Variants in CAPN9 observed in about 807,000 individuals in gnomAD.
CAPN9 encodes calpain-9.
CAPN9 carries 81 observed loss-of-function variants against 92.8 expected under a neutral mutation model. The observed-to-expected ratio is 0.87, with a 90% CI of 0.73 to 1.05. The LOEUF is 1.05. CAPN9 is among the 50% of genes least tolerant of loss of function. The pLI is 0.00. For synonymous variants in CAPN9, 304 were observed against 328.0 expected (o/e 0.93, Z 0.79); for missense variants, 848 against 866.2 (o/e 0.98, Z 0.26).
At chr1:230,785,462 G>T (rs978232442) in intron 11 of CAPN9, among the ~76,000 whole-genome samples, 1 of 152,134 alleles carries the variant, frequency 6.6e-6, no homozygotes, top group Non-Finnish European at 1.5e-5. Flanking sequence ...TCATGGGGGC[G>T]GATCTCTCAT....
intron 4 of CAPN9, among the ~76,000 whole-genome samples, chr1:230,763,175 G>A (rs1385728093): frequency 1.3e-5 from 2 of 152,160 alleles, no homozygotes; most frequent in Non-Finnish European, 2.9e-5. Flanking sequence ...TCAATTGTCC[G>A]TCCTACGGGA....
chr1:230,750,337 C>T (rs191938923), intron 1 of CAPN9, among the ~76,000 whole-genome samples: 2 of 152,310 alleles, frequency 1.3e-5, no homozygotes, highest in East Asian at 3.9e-4. Context: ...CCCACAGACT[C>T]ATTTTCAGAA....
rs80130790 is a variant in CAPN9 at position 230,786,145 on chromosome 1, A to G, written c.1518+128A>G. ...GTTACATGCAATCAAGTAAGCATCTATGATTCTAACCTCCTGGAGACCAAG... is the reference window on the plus strand; with the variant it reads ...GTTACATGCAATCAAGTAAGCATCTGTGATTCTAACCTCCTGGAGACCAAG... On this transcript the variant is annotated intron_variant, in intron 12 of 19. Transcript: ENST00000271971. 3.2e-3 allele frequency: 5,060 copies of G among 1,579,592 alleles called. 7 individuals are homozygous for G. Among genetic ancestry groups the G allele is most frequent in the Non-Finnish European group, 4.0e-3 (4,638 of 1,162,884 alleles).
chr1:230,777,709 G>A (rs1056380150), intron 8 of CAPN9, among the ~76,000 whole-genome samples: 2 of 151,418 alleles, frequency 1.3e-5, no homozygotes, highest in African/African-American at 2.4e-5. Context: ...TGCCAGGGAC[G>A]CCACCGACTC....
At chr1:230,792,980 G>C (rs1014486954) in intron 17 of CAPN9, 52 bp downstream of exon 17, 5 of 1,375,404 alleles carry the variant, frequency 3.6e-6, no homozygotes, top group Non-Finnish European at 5.2e-6. Flanking sequence ...GGTACTGCCT[G>C]TGGGCAACCT....
rs186380260 is a variant in CAPN9, at chr1:230,782,402, T to C, written c.1481+1694T>C. Among the ~76,000 whole-genome samples, 7 of 152,302 alleles carry C rather than the reference T, an allele frequency of 4.6e-5. No individual in the cohort carries two copies. The East Asian group carries it at 9.6e-4, about 21-fold the overall frequency. ...GAAAGGGAGGACTACCCCCAATTGA[T>C]GTTAATGTTTATTTGTATTCCCTTT... On this transcript the variant is annotated intron_variant, in intron 11 of 19. Transcript: ENST00000271971.
At chr1:230,767,016 T>C (rs1406702339) in intron 4 of CAPN9, among the ~76,000 whole-genome samples, 3 of 152,038 alleles carry the variant, frequency 2.0e-5, no homozygotes, top group African/African-American at 7.2e-5. Flanking sequence ...AGCACATATA[T>C]GTAAAATGCA....
intron 19 of CAPN9, among the ~76,000 whole-genome samples, chr1:230,800,487 C>G (rs1668663358): frequency 6.6e-6 from 1 of 152,060 alleles, no homozygotes; most frequent in South Asian, 2.1e-4. Flanking sequence ...TCCAGAGCAC[C>G]AGCAGTGTGG....
intron 3 of CAPN9, 29 bp downstream of exon 3, chr1:230,759,659 T>C: frequency 6.7e-7 from 1 of 1,485,832 alleles, no homozygotes; most frequent in Non-Finnish European, 9.2e-7. Flanking sequence ...CCAGTGGGTT[T>C]ACCTCTCTGG....
rs548073435 is a variant in CAPN9 at position 230,760,144 on chromosome 1, A to G, written c.402+514A>G. Among the ~76,000 whole-genome samples, 13 of 152,186 alleles carry G rather than the reference A, an allele frequency of 8.5e-5. No homozygotes were observed. The South Asian group carries it at 1.5e-3, about 17-fold the overall frequency. On this transcript the variant is annotated intron_variant, in intron 3 of 19. Coordinates refer to ENST00000271971, the MANE Select transcript of CAPN9 (RefSeq NM_006615.3). ...ACATCAGGAGAGGCTTGCCCCCAGG[A>G]GATGGTTTCCTGCTGCTTCACCTCA...
chr1:230,800,310 A>ACG lies in CAPN9; in HGVS notation c.2047-1260_2047-1259insCG, dbSNP rs1239697877. 1.2e-4 allele frequency among the ~76,000 whole-genome samples: 9 copies of ACG among 77,322 alleles called. 1 individual carries two copies. The highest frequency in any genetic ancestry group is 9.1e-4 in the South Asian group (2 of 2,194). The allele number at this position is 77,322 out of a possible 152,430, so 50.7% of individuals were successfully genotyped here. ...AGAAAGAAAGAAAGAAAGAAAGGAA[A>ACG]AACAAGAGAGACCCCTAGGTCCACC... On this transcript the variant is annotated intron_variant, in intron 19 of 19. Coordinates refer to ENST00000271971, the MANE Select transcript of CAPN9 (RefSeq NM_006615.3).
intron 2 of CAPN9, among the ~76,000 whole-genome samples, chr1:230,757,862 C>G (rs6698654): frequency 2.0e-5 from 3 of 151,744 alleles, no homozygotes; most frequent in Non-Finnish European, 4.4e-5. Flanking sequence ...GGATCAAGAG[C>G]GACTGCAGTA....
chr1:230,788,780 G>T (rs1254964749), intron 13 of CAPN9, among the ~76,000 whole-genome samples: 6 of 152,146 alleles, frequency 3.9e-5, no homozygotes, highest in Admixed American at 6.5e-5. Context: ...TGCTCCAGGT[G>T]CTATCTGGAG....
chr1:230,793,015 G>A, intron 17 of CAPN9, 87 bp downstream of exon 17: 2 of 1,014,450 alleles, frequency 2.0e-6, no homozygotes, highest in Non-Finnish European at 3.1e-6. Context: ...TCTTCTCTCT[G>A]CTGCCCAGGA....
Position 230,780,574 on chromosome 1 carries a change from C to A in CAPN9, c.1347C>A (p.Phe449Leu). ...YHASRARSKT[F>L]INLREVSDRF... ...CTTCTCGGGCCAGAAGCAAGACGTT[C>A]ATCAACCTGAGAGAAGTCTCCGACC... The change falls in exon 11 of 20, where the codon TTC becomes TTA. Residue 449 changes from phenylalanine to leucine, a missense_variant. Phe to Leu is a conservative substitution (Grantham distance 22). Coordinates refer to ENST00000271971, the MANE Select transcript of CAPN9 (RefSeq NM_006615.3). 6.2e-7 allele frequency: 1 copy of A among 1,614,194 alleles called. No homozygotes were observed. The highest frequency in any genetic ancestry group is 8.5e-7 in the Non-Finnish European group (1 of 1,180,042).
intron 2 of CAPN9, among the ~76,000 whole-genome samples, chr1:230,756,200 G>A (rs1278925479): frequency 6.6e-6 from 1 of 152,086 alleles, no homozygotes; most frequent in Non-Finnish European, 1.5e-5. Context: ...GTTAAGAAAG[G>A]CCATGCTGGA....
At chr1:230,757,634 C>T (rs1193565890) in intron 2 of CAPN9, among the ~76,000 whole-genome samples, 3 of 149,526 alleles carry the variant, frequency 2.0e-5, no homozygotes, top group South Asian at 2.1e-4. Context: ...GTAATCGCAG[C>T]GCTTTGGGAG....
At chr1:230,750,413 A>G (rs1020385952) in intron 1 of CAPN9, among the ~76,000 whole-genome samples, 1 of 152,036 alleles carries the variant, frequency 6.6e-6, no homozygotes, top group African/African-American at 2.4e-5. Context: ...TCATTCTCGT[A>G]CCCCTATCTG....
At chr1:230,752,556 TGGTACGGTTGGCGG>T (rs1664916200) in intron 1 of CAPN9, 1 of 324,172 alleles carries the variant, frequency 3.1e-6, no homozygotes, top group African/African-American at 2.3e-5. Flanking sequence ...CAGGCACAGT[TGGTACGGTTGGCGG>T]GGCCAGGCCT....
Sources: allele counts gnomAD v4.1 joint callset (sites outside exome capture counted in the v4.1 genomes callset), GRCh38; gene constraint gnomAD v4.1.1; transcripts MANE v1.5; gene names NCBI Gene and HGNC (gene_info 2026-07-23, HGNC 2026-07-21).